The following ARHGAP27 variants were observed in gnomAD, a reference collection of about 807,000 sequenced individuals.
ARHGAP27 encodes Rho GTPase activating protein 27.
Under a neutral mutation model 102.0 loss-of-function variants are expected in ARHGAP27, and 53 were observed. That is an observed-to-expected ratio of 0.52 (90% CI 0.42 to 0.65). The LOEUF (loss-of-function observed/expected upper bound fraction) is 0.65. Among genes scored for constraint, ARHGAP27 ranks in the 30% least tolerant of loss-of-function variants. The pLI is 0.00. For missense variants in ARHGAP27, 1,117 were observed against 1,256.2 expected, an observed-to-expected ratio of 0.89 and a Z score of 1.68; for synonymous variants, 525 against 542.8, an observed-to-expected ratio of 0.97 and a Z score of 0.46.
At chr17:45,424,956 C>A (rs1165288369) in intron 4 of ARHGAP27, among the ~76,000 whole-genome samples, 1 of 146,900 alleles carries the variant, frequency 6.8e-6, no homozygotes, top group Non-Finnish European at 1.5e-5. Context: ...AGGTGAGAGC[C>A]AGGCACAGGC....
chr17:45,417,271 C>G (rs1314128811), intron 4 of ARHGAP27, among the ~76,000 whole-genome samples: 1 of 151,170 alleles, frequency 6.6e-6, no homozygotes, highest in East Asian at 2.0e-4. Context: ...CAAGACCAGC[C>G]TGACCAACAT....
In ARHGAP27 at chr17:45,430,711, C is replaced by G. The variant is rs2049989050; in HGVS notation, c.-18-414G>C. On this transcript the variant is annotated intron_variant, in intron 3 of 19. Transcript: ENST00000685559. The surrounding 1 kb of genome is among the most constrained non-coding windows in gnomAD (Gnocchi z 4.4). ...CGTCAGTCAAGTAGGAAGAACACCC[C>G]ATTTACTGCCGCTCCCCGGCTCTGT... Among the ~76,000 whole-genome samples, 2 of 152,192 alleles carry G rather than the reference C, an allele frequency of 1.3e-5. No individual in the cohort carries two copies. The highest frequency in any genetic ancestry group is 2.9e-5 in the Non-Finnish European group (2 of 68,026).
At position 45,402,754 on chromosome 17, in the gene ARHGAP27, C is replaced by A; in HGVS notation, c.1703G>T (p.Trp568Leu). The change falls in exon 12 of 20, where the codon TGG becomes TTG. Residue 568 changes from tryptophan to leucine, a missense_variant. Coordinates refer to ENST00000685559, the MANE Select transcript of ARHGAP27 (RefSeq NM_001282290.2). Reference protein sequence around the residue: ...TVELRGATLSWAPKDKSSRKN... With the variant: ...TVELRGATLSLAPKDKSSRKN... Reference sequence around the variant, plus strand: ...CCTACTGGATTTGTCTTTGGGGGCCCAGGAGAGAGTGGCCCCCCTCAGCTC... The same window carrying A: ...CCTACTGGATTTGTCTTTGGGGGCCAAGGAGAGAGTGGCCCCCCTCAGCTC... 1 of 1,613,524 alleles carries A rather than the reference C, an allele frequency of 6.2e-7. No homozygotes were observed. The highest frequency in any genetic ancestry group is 8.5e-7 in the Non-Finnish European group (1 of 1,179,692).
At chr17:45,414,322 T>C (rs968057909) in intron 4 of ARHGAP27, among the ~76,000 whole-genome samples, 5 of 152,160 alleles carry the variant, frequency 3.3e-5, no homozygotes, top group African/African-American at 1.2e-4. Flanking sequence ...AGCCCGGTCC[T>C]GAAGGACCCC....
In ARHGAP27 at chr17:45,407,350, G is replaced by C. The variant is rs534674821; in HGVS notation, c.658-1267C>G. On this transcript the variant is annotated intron_variant, in intron 4 of 19. Transcript: ENST00000685559. ...CTTCAGGATTCAGCTGAGGTGCCAG[G>C]TTCCAGCCTTTTCCTGAGATTCCCC... 2.0e-5 allele frequency among the ~76,000 whole-genome samples: 3 copies of C among 151,876 alleles called. No individual in the cohort carries two copies. The East Asian group carries it at 5.8e-4, about 30-fold the overall frequency.
chr17:45,421,953 G>A (rs1405254160), intron 4 of ARHGAP27, among the ~76,000 whole-genome samples: 2 of 152,136 alleles, frequency 1.3e-5, no homozygotes, highest in East Asian at 3.9e-4. Flanking sequence ...ATCACTTGAG[G>A]TCAGGAGTTT....
chr17:45,410,369 A>T, intron 4 of ARHGAP27: 3 of 1,370,626 alleles, frequency 2.2e-6, no homozygotes, highest in Non-Finnish European at 2.8e-6. Context: ...CAGTGCTGGC[A>T]CAGGGCAACA....
At chr17:45,397,769 G>T in intron 13 of ARHGAP27, 180 bp downstream of exon 13, 1 of 470,516 alleles carries the variant, frequency 2.1e-6, no homozygotes, top group Non-Finnish European at 3.7e-6. Flanking sequence ...CCCAGGGCTG[G>T]ATTCACAGAC....
intron 3 of ARHGAP27, among the ~76,000 whole-genome samples, chr17:45,431,335 A>G (rs2050047355): frequency 6.6e-6 from 1 of 152,042 alleles, no homozygotes; most frequent in Non-Finnish European, 1.5e-5. Context: ...GGCCCCTCCA[A>G]ACTCCCACAC....
In ARHGAP27 at chr17:45,404,836, G is replaced by A. The variant is rs1028552623; in HGVS notation, c.1248+88C>T. 1.9e-6 allele frequency: 3 copies of A among 1,582,516 alleles called. No individual in the cohort carries two copies. In the African/African-American group the frequency reaches 4.0e-5, roughly 21 times the overall value. On this transcript the variant is annotated intron_variant, in intron 6 of 19. Coordinates refer to ENST00000685559, the MANE Select transcript of ARHGAP27 (RefSeq NM_001282290.2). ...GGTTTAGGCTCTGTGTGGGAGCTGC[G>A]GTTTAGAGCACTGAGGCGACCTATT...
chr17:45,414,902 C>CA (rs35471470), intron 4 of ARHGAP27, among the ~76,000 whole-genome samples: 44,012 of 92,632 alleles, frequency 0.48, 10,295 homozygotes, highest in South Asian at 0.53. Context: ...CTAAAAATAC[C>CA]AAAAAAAAAA....
chr17:45,410,256 C>T (rs755799659), intron 4 of ARHGAP27: 4 of 1,533,486 alleles, frequency 2.6e-6, no homozygotes, highest in South Asian at 2.4e-5. Context: ...CTCGACTCTG[C>T]CTCCTGGTCA....
intron 4 of ARHGAP27, among the ~76,000 whole-genome samples, chr17:45,415,349 A>G (rs1177267402): frequency 6.6e-6 from 1 of 151,944 alleles, no homozygotes; most frequent in Non-Finnish European, 1.5e-5. Flanking sequence ...CTGCTCAGCA[A>G]TTGGGCCCCA....
rs972329056 is a variant in ARHGAP27 at position 45,396,526 on chromosome 17, G to T, written c.2134C>A (p.Arg712Ser). The T allele has an allele frequency of 6.3e-7, 1 of 1,582,220 alleles. No homozygotes were observed. The highest frequency in any genetic ancestry group is 8.5e-7 in the Non-Finnish European group (1 of 1,169,822). ...GCGCGGATGCACTGCTGCACGAAGC[G>T]TGGCACCCGGCTCCTCTCGCGCTCA... ...LCERERSRVP[R>S]FVQQCIRAVE... The change falls in exon 16 of 20, where the codon CGC becomes AGC. Residue 712 changes from arginine (R) to serine (S), a missense_variant. By Grantham distance (110) the Arg-to-Ser change is moderately radical (BLOSUM62 -1). This residue lies in a region of ARHGAP27 where 493 missense variants were observed against 505.5 expected (regional missense o/e 0.98). Transcript: ENST00000685559.
intron 4 of ARHGAP27, chr17:45,410,538 A>C (rs2047793990): frequency 2.3e-6 from 2 of 864,162 alleles, no homozygotes; most frequent in Non-Finnish European, 3.2e-6. Context: ...TGCCCCACTC[A>C]GTGCTCTAAT....
chr17:45,400,158 A>G, intron 12 of ARHGAP27, among the ~76,000 whole-genome samples: 1 of 151,976 alleles, frequency 6.6e-6, no homozygotes, highest in Non-Finnish European at 1.5e-5. Context: ...GTAAGACCCT[A>G]TCTCTAAGAA....
Position 45,419,036 on chromosome 17 carries a change from A to G in ARHGAP27, c.657+10587T>C, listed in dbSNP as rs573593279. On this transcript the variant is annotated intron_variant, in intron 4 of 19. Coordinates refer to ENST00000685559, the MANE Select transcript of ARHGAP27 (RefSeq NM_001282290.2). ...CAGCTCGACCCCAGCTCTGGGGAGC[A>G]AAGTCATATAAACTCACTCTGTGAC... 7.0e-4 allele frequency among the ~76,000 whole-genome samples: 106 copies of G among 152,296 alleles called. 1 individual carries two copies. Among genetic ancestry groups the G allele is most frequent in the African/African-American group, 2.4e-3 (99 of 41,576 alleles).
At chr17:45,406,505 C>T (rs1286865363) in intron 4 of ARHGAP27, among the ~76,000 whole-genome samples, 1 of 152,154 alleles carries the variant, frequency 6.6e-6, no homozygotes, top group Non-Finnish European at 1.5e-5. Context: ...ACGGGTGGGT[C>T]AATTACATTA....
At position 45,395,598 on chromosome 17, in the gene ARHGAP27, A is replaced by C; in HGVS notation, c.2528T>G (p.Val843Gly). ...CCCGAACACAATGGCCACGCTCTGC[A>C]CCGACATGCGGTTCTGCTCGCCGTG... ...IEHGEQNRMS[V>G]QSVAIVFGPT... The change falls in exon 20 of 20, where the codon GTG becomes GGG. Residue 843 changes from valine to glycine, a missense_variant. Val to Gly is a moderately radical substitution (Grantham distance 109). Around this residue, in one of 3 missense-constraint regions of ARHGAP27, gnomAD observed 493 missense variants for 505.5 expected, o/e 0.98. Coordinates refer to ENST00000685559, the MANE Select transcript of ARHGAP27 (RefSeq NM_001282290.2). 2 of 1,607,700 alleles carry C rather than the reference A, an allele frequency of 1.2e-6. No individual in the cohort carries two copies. Among genetic ancestry groups the C allele is most frequent in the Non-Finnish European group, 1.7e-6 (2 of 1,177,404 alleles).
Sources: allele counts gnomAD v4.1 joint callset (sites outside exome capture counted in the v4.1 genomes callset), GRCh38; gene constraint gnomAD v4.1.1; regional missense constraint gnomAD v4.1.1; non-coding constraint Gnocchi (gnomAD v3.1); transcripts MANE v1.5; gene names NCBI Gene and HGNC (gene_info 2026-07-23, HGNC 2026-07-21).